The following USH2A variants were observed in gnomAD, a reference collection of about 807,000 sequenced individuals.
USH2A encodes usherin.
Under a neutral mutation model 538.9 loss-of-function variants are expected in USH2A, and 443 were observed. The ratio of observed to expected loss-of-function variants is 0.82; its 90% CI spans 0.76 to 0.89. The LOEUF (loss-of-function observed/expected upper bound fraction) is 0.89. USH2A is among the 40% of genes least tolerant of loss of function. USH2A has a pLI of 0.00. For synonymous variants in USH2A, 2,413 were observed against 2,273.5 expected, an observed-to-expected ratio of 1.06 and a Z score of -1.75; for missense variants, 6,633 against 6,324.8, an observed-to-expected ratio of 1.05 and a Z score of -1.65.
chr1:216,032,020 G>A (rs1214676304), intron 32 of USH2A, among the ~76,000 whole-genome samples: 2 of 152,142 alleles, frequency 1.3e-5, no homozygotes, highest in African/African-American at 2.4e-5. Context: ...CCACAGGTTG[G>A]ACAGCATTCT....
intron 49 of USH2A, among the ~76,000 whole-genome samples, chr1:215,799,780 G>A (rs1234848564): frequency 1.3e-5 from 2 of 152,092 alleles, no homozygotes; most frequent in African/African-American, 2.4e-5. Context: ...GAGGCCAGGA[G>A]TTCAAGACCA....
chr1:215,716,362 C>A (rs1659487643), intron 61 of USH2A, among the ~76,000 whole-genome samples: 1 of 152,194 alleles, frequency 6.6e-6, no homozygotes, highest in Non-Finnish European at 1.5e-5. Flanking sequence ...CCCATTCAGT[C>A]CACTTATAGA....
chr1:215,747,172 A>G (rs1660494961), intron 58 of USH2A, among the ~76,000 whole-genome samples: 2 of 152,156 alleles, frequency 1.3e-5, no homozygotes, highest in South Asian at 4.1e-4. Flanking sequence ...GTCTCTCGCT[A>G]TTGCTTTAAA....
Position 215,675,487 on chromosome 1 carries a change from G to A in USH2A, c.12424C>T (p.His4142Tyr), listed in dbSNP as rs759071552. 6.2e-7 allele frequency: 1 copy of A among 1,614,098 alleles called. No homozygotes were observed. Among genetic ancestry groups the A allele is most frequent in the East Asian group, 2.2e-5 (1 of 44,862 alleles). The change falls in exon 63 of 72, where the codon CAC (histidine) becomes TAC (tyrosine). Residue 4142 changes from histidine (H) to tyrosine (Y), a missense_variant. By Grantham distance (83) the His-to-Tyr change is moderately conservative (BLOSUM62 2). Transcript: ENST00000307340. Reference protein sequence around the residue: ...LEACTRAGCAHSAPQPLWTDE... With the variant: ...LEACTRAGCAYSAPQPLWTDE... ...GTCCACAGAGGCTGAGGCGCCGAGTGTGCACAACCTGCTCTGGTGCAGGCC... is the reference window on the plus strand; with the variant it reads ...GTCCACAGAGGCTGAGGCGCCGAGTATGCACAACCTGCTCTGGTGCAGGCC...
rs186007738 is a variant in USH2A, at chr1:216,067,012, C to T, written c.6049+3089G>A. On this transcript the variant is annotated intron_variant, in intron 30 of 71. Coordinates refer to ENST00000307340, the MANE Select transcript of USH2A (RefSeq NM_206933.4). The stretch of plus-strand genomic sequence containing the variant: ...AGGAATTCTCCTAAGGATTTACATA[C>T]AAATTTCTTTAAATTATATTAATTA... Among the ~76,000 whole-genome samples the T allele has an allele frequency of 1.4e-4, 21 of 152,226 alleles. No homozygotes were observed. The East Asian group carries it at 2.7e-3, about 20-fold the overall frequency.
chr1:215,733,194 T>A (rs1378262080), intron 60 of USH2A, among the ~76,000 whole-genome samples: 1 of 29,768 alleles, frequency 3.4e-5, no homozygotes, highest in Non-Finnish European at 8.3e-5. Flanking sequence ...GAGAGAGAGG[T>A]GGCGGGGGGG....
intron 21 of USH2A, among the ~76,000 whole-genome samples, chr1:216,147,471 A>G (rs2033735143): frequency 6.6e-6 from 1 of 152,166 alleles, no homozygotes; most frequent in Admixed American, 6.5e-5. Flanking sequence ...TTTTCATCAA[A>G]TATAAAAATC....
chr1:215,733,953 GC>G (rs1023948340), intron 60 of USH2A, among the ~76,000 whole-genome samples: 1 of 152,170 alleles, frequency 6.6e-6, no homozygotes, highest in African/African-American at 2.4e-5. Flanking sequence ...GAGAGAAGTG[GC>G]CCCCTTCCCA....
chr1:216,325,541 G>A lies in USH2A; in HGVS notation c.907C>T (p.Arg303Cys), dbSNP rs748465849. The change falls in exon 6 of 72, where the codon CGT (arginine) becomes TGT (cysteine). Residue 303 changes from arginine to cysteine, a missense_variant. Coordinates refer to ENST00000307340, the MANE Select transcript of USH2A (RefSeq NM_206933.4). The stretch of plus-strand genomic sequence containing the variant: ...ACCCGCGGGTGGCTGCCAGGGCAAC[G>A]GCAATGTGATTGGGCATGCAATCTG... ...LLRLHAQSHC[R>C]CPGSHPRVHP... The A allele has an allele frequency of 3.1e-6, 5 of 1,613,536 alleles. No homozygotes were observed. The highest frequency in any genetic ancestry group is 1.3e-5 in the African/African-American group (1 of 74,968).
intron 14 of USH2A, among the ~76,000 whole-genome samples, chr1:216,220,806 C>T (rs72733304): frequency 7.3e-5 from 11 of 151,678 alleles, no homozygotes; most frequent in Non-Finnish European, 1.6e-4. Flanking sequence ...AATGGGAGGC[C>T]GAATTGAAAA....
intron 21 of USH2A, among the ~76,000 whole-genome samples, chr1:216,115,469 T>C (rs1380565432): frequency 2.0e-5 from 3 of 152,146 alleles, no homozygotes; most frequent in Non-Finnish European, 2.9e-5. Flanking sequence ...CAATTGTCAA[T>C]ACAAGATCAA....
intron 38 of USH2A, among the ~76,000 whole-genome samples, chr1:215,921,669 T>C (rs1666102445): frequency 6.6e-6 from 1 of 152,076 alleles, no homozygotes; most frequent in South Asian, 2.1e-4. Flanking sequence ...CAATAGAGTA[T>C]AGTGGCTCAG....
At chr1:216,394,382 A>G (rs1357824352) in intron 3 of USH2A, among the ~76,000 whole-genome samples, 1 of 152,078 alleles carries the variant, frequency 6.6e-6, no homozygotes, top group Non-Finnish European at 1.5e-5. Flanking sequence ...GAAGATGGGA[A>G]TGACTATAAA....
chr1:215,866,927 T>TG (rs1164719634), intron 44 of USH2A, 80 bp downstream of exon 44: 6 of 1,581,300 alleles, frequency 3.8e-6, no homozygotes, highest in Non-Finnish European at 5.2e-6. Context: ...GATGTGTACA[T>TG]GGGGGAGGTT....
intron 58 of USH2A, among the ~76,000 whole-genome samples, chr1:215,744,824 G>A (rs939159189): frequency 6.6e-6 from 1 of 152,126 alleles, no homozygotes; most frequent in Non-Finnish European, 1.5e-5. Flanking sequence ...GTTAAATTTG[G>A]CAGCTTAGAC....
intron 32 of USH2A, among the ~76,000 whole-genome samples, chr1:216,027,393 C>G (rs1005155694): frequency 1.3e-5 from 2 of 152,192 alleles, no homozygotes; most frequent in Admixed American, 6.5e-5. Flanking sequence ...GCACCCAGAA[C>G]TGTAAGACAA....
Position 216,323,666 on chromosome 1 carries a change from G to A in USH2A, c.1358C>T (p.Thr453Ile), listed in dbSNP as rs2102653345. 4 of 1,613,536 alleles carry A rather than the reference G, an allele frequency of 2.5e-6. No individual in the cohort carries two copies. The highest frequency in any genetic ancestry group is 2.2e-5 in the East Asian group (1 of 44,794). Reference sequence around the variant, plus strand: ...TGGTCCAGGTGTCAGGATGCTAAATGTGACATTGCCACGGGAATATGGAGT... The same window carrying A: ...TGGTCCAGGTGTCAGGATGCTAAATATGACATTGCCACGGGAATATGGAGT... ...NFTPYSRGNV[T>I]FSILTPGPNY... The change falls in exon 8 of 72, where the codon ACA (threonine) becomes ATA (isoleucine). Residue 453 changes from threonine (T) to isoleucine (I), a missense_variant. Thr to Ile is a moderately conservative substitution (Grantham distance 89). Transcript: ENST00000307340.
chr1:216,325,159 T>C, intron 6 of USH2A, 146 bp downstream of exon 6: 1 of 958,396 alleles, frequency 1.0e-6, no homozygotes, highest in Non-Finnish European at 1.6e-6. Context: ...TTTAAGGGAA[T>C]GTAGCCCTGC....
chr1:216,376,869 T>G (rs1301018127), intron 3 of USH2A, among the ~76,000 whole-genome samples: 6 of 152,202 alleles, frequency 3.9e-5, no homozygotes, highest in Non-Finnish European at 8.8e-5. Context: ...TCCTGCCATA[T>G]AAACAAAACA....
Sources: allele counts gnomAD v4.1 joint callset (sites outside exome capture counted in the v4.1 genomes callset), GRCh38; gene constraint gnomAD v4.1.1; transcripts MANE v1.5; gene names NCBI Gene and HGNC (gene_info 2026-07-23, HGNC 2026-07-21).